CARS2: variants seen among roughly 807,000 people sequenced by gnomAD.
CARS2 encodes cysteinyl-tRNA synthetase 2, mitochondrial.
A neutral mutation model predicts 68.8 loss-of-function variants in CARS2; 52 were observed. That is an observed-to-expected ratio of 0.76 (90% confidence interval 0.61 to 0.95). The LOEUF (loss-of-function observed/expected upper bound fraction) is 0.95. CARS2 is among the 40% of genes least tolerant of loss of function. CARS2 has a pLI of 0.00. For synonymous variants in CARS2, 314 were observed against 303.6 expected (o/e 1.03, Z -0.36); for missense variants, 780 against 754.2 (o/e 1.03, Z -0.40).
At chr13:110,707,891 T>C (rs2063995337), upstream of CARS2, among the ~76,000 whole-genome samples, 1 of 152,204 alleles carries the variant, frequency 6.6e-6, no homozygotes. Flanking sequence ...AAGCTAACTG[T>C]AGTCTAATGT....
chr13:110,679,138 G>A (rs556887068), intron 6 of CARS2, among the ~76,000 whole-genome samples: 1 of 144,906 alleles, frequency 6.9e-6, no homozygotes, highest in East Asian at 2.1e-4. Context: ...TCAGTCTATG[G>A]GAGAGGCCAG....
chr13:110,663,853 A>G, intron 8 of CARS2: 1 of 1,079,640 alleles, frequency 9.3e-7, no homozygotes, highest in Non-Finnish European at 1.1e-6. Flanking sequence ...ATTCAGAGAT[A>G]CTGAATTCAG....
rs139868806 is a variant in CARS2 at position 110,664,118 on chromosome 13, C to G, written c.920-600G>C. 5,849 of 985,226 alleles carry G rather than the reference C, an allele frequency of 5.9e-3. 53 individuals carry two copies. Among genetic ancestry groups the G allele is most frequent in the South Asian group, 0.046 (986 of 21,278 alleles). 61.0% of individuals were successfully genotyped at this position (985,226 alleles called of 1,614,324 possible). A position where few individuals can be genotyped will look rare whatever the true frequency, so the allele number is the denominator to read the frequency against. On this transcript the variant is annotated intron_variant, in intron 8 of 14. Transcript: ENST00000257347. ...TCCTGAATCTGACCCTGAAATTCTC[C>G]CTGGCCTGTAGCTTTTTACAAGGCT...
chr13:110,646,429 C>T (rs1888126061), intron 11 of CARS2: 1 of 187,202 alleles, frequency 5.3e-6, no homozygotes, highest in South Asian at 1.2e-4. Context: ...CACGGCTGAC[C>T]ACTCACAAAG....
At chr13:110,679,597 A>AGAGAAAGAAAGAAAGAAAGAAAGAAAGAG (rs2063088369) in intron 6 of CARS2, among the ~76,000 whole-genome samples, 1 of 43,618 alleles carries the variant, frequency 2.3e-5, no homozygotes, top group African/African-American at 5.4e-5. Flanking sequence ...GAAAGAAAGA[A>AGAGAAAGAAAGAAAGAAAGAAAGAAAGAG]AGAGAGAGAG....
At chr13:110,646,764 C>A in intron 11 of CARS2, 1 of 251,950 alleles carries the variant, frequency 4.0e-6, no homozygotes, top group Non-Finnish European at 7.6e-6. Context: ...CCCAGGCACA[C>A]TTCCTGCCAG....
At chr13:110,641,734 C>A (rs924953511) in intron 14 of CARS2, 126 bp from the exon 15 acceptor site, 7 of 790,560 alleles carry the variant, frequency 8.9e-6, no homozygotes, top group African/African-American at 8.5e-5. Context: ...GCTTGCCAGG[C>A]GCTTAGAAAG....
At chr13:110,662,155 G>C (rs2139742142) in intron 9 of CARS2, among the ~76,000 whole-genome samples, 1 of 152,342 alleles carries the variant, frequency 6.6e-6, no homozygotes, top group African/African-American at 2.4e-5. Flanking sequence ...GGTCCCTGCA[G>C]TGGCCGGGCT....
intron 7 of CARS2, among the ~76,000 whole-genome samples, chr13:110,674,481 A>C (rs1307388836): frequency 1.3e-5 from 2 of 151,836 alleles, no homozygotes; most frequent in African/African-American, 4.8e-5. Context: ...TCCCTATTTA[A>C]TAAACAATGC....
rs1419385415 is a variant in CARS2, at chr13:110,642,483, A to G, written c.1455T>C (p.Gly485=). ...SGDGSEATLH[G]VVDELVRFRQ... ...GGAACCGCACCAGCTCGTCCACCAC[A>G]CCATGCAAGGTAGCCTCGCTGCCGT... is the stretch of plus-strand genomic sequence containing the variant. Residue 485 remains glycine, a synonymous_variant, in exon 14 of 15, where the codon GGT becomes GGC. Coordinates refer to ENST00000257347, the MANE Select transcript of CARS2 (RefSeq NM_024537.4). 6.2e-7 allele frequency: 1 copy of G among 1,610,316 alleles called. No homozygotes were observed. The highest frequency in any genetic ancestry group is 8.5e-7 in the Non-Finnish European group (1 of 1,178,846).
intron 11 of CARS2, chr13:110,646,830 C>T (rs1428622619): frequency 2.5e-6 from 1 of 407,372 alleles, no homozygotes; most frequent in South Asian, 5.6e-5. Flanking sequence ...CTGTCCAGCA[C>T]CCAGTGTCCT....
intron 9 of CARS2, among the ~76,000 whole-genome samples, chr13:110,655,542 A>G (rs1566662352): frequency 6.6e-6 from 1 of 152,266 alleles, no homozygotes; most frequent in Non-Finnish European, 1.5e-5. Context: ...AGGGAAAGTG[A>G]GAAGCACAGC....
At chr13:110,712,865 C>T in intron 1 of CARS2, 1 of 1,296,168 alleles carries the variant, frequency 7.7e-7, no homozygotes, top group Non-Finnish European at 1.1e-6. Flanking sequence ...CCTTTGTCTC[C>T]AAGCCGTTCC....
At chr13:110,652,845 G>A (rs77714480) in intron 9 of CARS2, among the ~76,000 whole-genome samples, 1,829 of 152,294 alleles carry the variant, frequency 0.012, 46 homozygotes, top group African/African-American at 0.042. Context: ...ACAGTTATGT[G>A]TTTATTTCTG....
chr13:110,664,862 G>A lies in CARS2; in HGVS notation c.920-1344C>T, dbSNP rs572962508. The A allele has an allele frequency of 3.2e-4, 140 of 430,886 alleles. 1 individual carries two copies. Among genetic ancestry groups the A allele is most frequent in the Non-Finnish European group, 4.1e-4 (132 of 323,396 alleles). 26.7% of individuals were successfully genotyped at this position (430,886 alleles called of 1,614,324 possible). ...ACGGCCGTCTACAAATGGGAAGCAGGCCCTCCCGAGACACCGAGTCTGCCA... is the reference window on the plus strand; with the variant it reads ...ACGGCCGTCTACAAATGGGAAGCAGACCCTCCCGAGACACCGAGTCTGCCA... On this transcript the variant is annotated intron_variant, in intron 8 of 14. Coordinates refer to ENST00000257347, the MANE Select transcript of CARS2 (RefSeq NM_024537.4).
chr13:110,664,976 C>A (rs2062609487), intron 8 of CARS2: 1 of 982,738 alleles, frequency 1.0e-6, no homozygotes, highest in African/African-American at 1.7e-5. Flanking sequence ...TTGGCTATAG[C>A]AGCCCTAACA....
At chr13:110,675,536 C>T (rs2062921940) in intron 7 of CARS2, among the ~76,000 whole-genome samples, 1 of 151,974 alleles carries the variant, frequency 6.6e-6, no homozygotes, top group Non-Finnish European at 1.5e-5. Flanking sequence ...GGGTGGGGAA[C>T]ATCACACACC....
upstream of CARS2, among the ~76,000 whole-genome samples, chr13:110,710,285 G>A (rs187511366): frequency 5.3e-5 from 8 of 152,270 alleles, no homozygotes; most frequent in African/African-American, 1.7e-4. Context: ...AGGAGGCTGA[G>A]GCAGGAGAAT....
At chr13:110,713,401 C>G (rs2064062003) in exon 1 of CARS2, 23 of 1,026,150 alleles carry the variant, frequency 2.2e-5, no homozygotes, top group Non-Finnish European at 2.7e-5. Context: ...GCGTGCTGTG[C>G]CGCCCAACAG....
Sources: gnomAD v4.1 joint callset for allele counts (sites outside exome capture counted in the v4.1 genomes callset) on GRCh38, gnomAD v4.1.1 for gene constraint, MANE v1.5 for transcripts, NCBI Gene and HGNC (gene_info 2026-07-23, HGNC 2026-07-21) for gene names.